EPB41L5: variants seen among roughly 807,000 people sequenced by gnomAD.
EPB41L5 encodes the protein erythrocyte membrane protein band 4.1 like 5, also known as band 4.1-like protein 5.
Under a neutral mutation model 106.6 loss-of-function variants are expected in EPB41L5, and 55 were observed. That is an observed-to-expected ratio of 0.52 (90% CI 0.42 to 0.65). The LOEUF is 0.65. Among genes scored for constraint, EPB41L5 ranks in the 30% least tolerant of loss-of-function variants. The probability of loss-of-function intolerance (pLI) is 0.00; values close to 1 mark genes in which losing one functional copy is unlikely to be tolerated. For synonymous variants in EPB41L5, 297 were observed against 306.7 expected (o/e 0.97, Z 0.33); for missense variants, 871 against 882.1 (o/e 0.99, Z 0.16).
At chr2:120,159,471 A>T (rs927605221) in intron 20 of EPB41L5, among the ~76,000 whole-genome samples, 1 of 152,010 alleles carries the variant, frequency 6.6e-6, no homozygotes, top group East Asian at 1.9e-4. Context: ...TAAAATGGCC[A>T]TATTGCCCAA....
chr2:120,131,938 T>TAA (rs375506864), intron 18 of EPB41L5, among the ~76,000 whole-genome samples: 3 of 147,616 alleles, frequency 2.0e-5, no homozygotes, highest in Non-Finnish European at 3.0e-5. Context: ...TTTCATGATT[T>TAA]AAAAAAAAAA....
At chr2:120,067,880 A>G (rs1252693726) in intron 3 of EPB41L5, among the ~76,000 whole-genome samples, 2 of 152,182 alleles carry the variant, frequency 1.3e-5, no homozygotes, top group African/African-American at 2.4e-5. Flanking sequence ...CAGTTTTGCA[A>G]GAGTCATTTA....
Position 120,013,187 on chromosome 2 carries a change from G to C in EPB41L5, c.-32G>C, listed in dbSNP as rs1315853424. On this transcript the variant is annotated 5_prime_UTR_variant, in exon 1 of 25. Transcript: ENST00000263713. ...TCGGCTCTTCCCCGCTCTGGTCGCC[G>C]GGGCTGCGCCGTCCCCAGCTCAGGT... 1 of 152,324 alleles carries C rather than the reference G, an allele frequency of 6.6e-6. No homozygotes were observed. Among genetic ancestry groups the C allele is most frequent in the African/African-American group, 2.4e-5 (1 of 41,452 alleles). 9.4% of individuals were successfully genotyped at this position (152,324 alleles called of 1,614,324 possible). A position where few individuals can be genotyped will look rare whatever the true frequency, so the allele number is the denominator to read the frequency against.
chr2:120,082,605 T>G (rs767170582), intron 10 of EPB41L5, among the ~76,000 whole-genome samples: 1 of 152,196 alleles, frequency 6.6e-6, no homozygotes, highest in Non-Finnish European at 1.5e-5. Flanking sequence ...TGGTATAGGA[T>G]GATGCTGGCC....
chr2:120,166,767 T>G (rs1251518727), intron 22 of EPB41L5, among the ~76,000 whole-genome samples: 2 of 152,232 alleles, frequency 1.3e-5, no homozygotes, highest in Admixed American at 6.5e-5. Flanking sequence ...GTTATCTAAT[T>G]TACTAATACC....
intron 7 of EPB41L5, among the ~76,000 whole-genome samples, chr2:120,076,206 C>T (rs1291742729): frequency 6.6e-6 from 1 of 151,998 alleles, no homozygotes; most frequent in Non-Finnish European, 1.5e-5. Context: ...TTTTTAGTTC[C>T]TTTCAGTTAT....
At chr2:120,024,803 C>T (rs140037076) in intron 2 of EPB41L5, among the ~76,000 whole-genome samples, 7,012 of 152,130 alleles carry the variant, frequency 0.046, 232 homozygotes, top group Non-Finnish European at 0.072. Flanking sequence ...TGATGGATTA[C>T]GTTTATTGAT....
chr2:120,172,902 CTG>C (rs1687747585), intron 24 of EPB41L5, among the ~76,000 whole-genome samples: 1 of 152,058 alleles, frequency 6.6e-6, no homozygotes, highest in Admixed American at 6.5e-5. Flanking sequence ...TATTACATGT[CTG>C]AATGTACTGA....
intron 3 of EPB41L5, among the ~76,000 whole-genome samples, chr2:120,067,680 A>G (rs1231164118): frequency 2.0e-5 from 3 of 152,216 alleles, no homozygotes; most frequent in Non-Finnish European, 4.4e-5. Context: ...AACCTTGATT[A>G]TGAGAAAGAT....
intron 3 of EPB41L5, among the ~76,000 whole-genome samples, chr2:120,058,562 G>A (rs1558834177): frequency 1.3e-5 from 2 of 152,110 alleles, no homozygotes; most frequent in Admixed American, 6.5e-5. Flanking sequence ...GACTGTAGAG[G>A]ATCAAAAAGG....
At chr2:120,069,855 G>A (rs1360056505) in intron 3 of EPB41L5, among the ~76,000 whole-genome samples, 2 of 152,154 alleles carry the variant, frequency 1.3e-5, no homozygotes, top group African/African-American at 4.8e-5. Context: ...ATGCCCACAG[G>A]AGAAAGCAGG....
intron 2 of EPB41L5, among the ~76,000 whole-genome samples, chr2:120,035,010 G>A (rs1678952656): frequency 1.3e-5 from 2 of 152,128 alleles, no homozygotes; most frequent in South Asian, 4.1e-4. Context: ...GAAATATTCA[G>A]TTGGTTTGTT....
chr2:120,100,075 G>T (rs1393104149), intron 14 of EPB41L5, among the ~76,000 whole-genome samples, 169 bp from the exon 15 acceptor site: 1 of 152,094 alleles, frequency 6.6e-6, no homozygotes, highest in Non-Finnish European at 1.5e-5. Flanking sequence ...AATGTTTTCA[G>T]GTATCTGACA....
chr2:120,137,704 G>A (rs144385146), intron 18 of EPB41L5, among the ~76,000 whole-genome samples: 2 of 152,090 alleles, frequency 1.3e-5, no homozygotes, highest in Non-Finnish European at 2.9e-5. Context: ...GATCGAAGCT[G>A]TAATAAAAAG....
intron 20 of EPB41L5, among the ~76,000 whole-genome samples, chr2:120,159,423 CAAAAAA>C (rs36001495): frequency 0.012 from 1,097 of 95,188 alleles, 16 homozygotes; most frequent in African/African-American, 0.041. Context: ...GACTCCATCT[CAAAAAA>C]AAAAAAAAAA....
At position 120,151,257 on chromosome 2, in the gene EPB41L5, G is replaced by A. The variant is rs922842446; in HGVS notation, c.1793+4968G>A. On this transcript the variant is annotated intron_variant, in intron 20 of 24. Coordinates refer to ENST00000263713, the MANE Select transcript of EPB41L5 (RefSeq NM_020909.4). ...GGAGCTTGCAGTGAGCCGAGATCAC[G>A]CCACTGCACTCCAGCCTGGGCGACG... Among the ~76,000 whole-genome samples the A allele has an allele frequency of 6.6e-5, 10 of 151,896 alleles. 1 individual carries two copies. Among genetic ancestry groups the A allele is most frequent in the Non-Finnish European group, 1.2e-4 (8 of 67,986 alleles).
At chr2:120,173,461 T>TC (rs1249141024) in intron 24 of EPB41L5, among the ~76,000 whole-genome samples, 3 of 152,164 alleles carry the variant, frequency 2.0e-5, no homozygotes, top group African/African-American at 7.2e-5. Flanking sequence ...GGGTGGGGTC[T>TC]AAGAATTTGC....
intron 16 of EPB41L5, among the ~76,000 whole-genome samples, chr2:120,126,510 T>C (rs1685466217): frequency 6.6e-6 from 1 of 152,224 alleles, no homozygotes; most frequent in Non-Finnish European, 1.5e-5. Flanking sequence ...ATGAATATTT[T>C]TGCCTGTGGA....
intron 16 of EPB41L5, chr2:120,103,926 T>G: frequency 1.0e-6 from 1 of 957,546 alleles, no homozygotes; most frequent in South Asian, 3.3e-5. Flanking sequence ...TTGCATGGAG[T>G]AGATGCTGGT....
Sources: allele counts gnomAD v4.1 joint callset (sites outside exome capture counted in the v4.1 genomes callset), GRCh38; gene constraint gnomAD v4.1.1; transcripts MANE v1.5; gene names NCBI Gene and HGNC (gene_info 2026-07-23, HGNC 2026-07-21).